SLC7A14: variants seen among roughly 807,000 people sequenced by gnomAD.
The protein encoded by SLC7A14 is gamma-aminobutyric acid transporter SLC7A14.
A neutral mutation model predicts 60.2 loss-of-function variants in SLC7A14; 37 were observed. The ratio of observed to expected loss-of-function variants is 0.61; its 90% CI spans 0.47 to 0.81. SLC7A14 has a LOEUF of 0.81. Among genes scored for constraint, SLC7A14 ranks in the 30% least tolerant of loss-of-function variants. The probability of loss-of-function intolerance (pLI) is 0.00; values close to 1 mark genes in which losing one functional copy is unlikely to be tolerated. For missense variants in SLC7A14, 886 were observed against 982.7 expected, an observed-to-expected ratio of 0.90 and a Z score of 1.32; for synonymous variants, 399 against 395.8, an observed-to-expected ratio of 1.01 and a Z score of -0.10.
chr3:170,580,511 G>A (rs1014050848), intron 1 of SLC7A14, among the ~76,000 whole-genome samples: 3 of 152,190 alleles, frequency 2.0e-5, no homozygotes, highest in Non-Finnish European at 2.9e-5. Context: ...TAACAGCTTC[G>A]CTTATTTTTC....
intron 1 of SLC7A14, among the ~76,000 whole-genome samples, chr3:170,575,197 G>T (rs1715056526): frequency 6.6e-6 from 1 of 152,218 alleles, no homozygotes; most frequent in Non-Finnish European, 1.5e-5. Flanking sequence ...TATCTCTTAT[G>T]TGCTCTGTGT....
chr3:170,561,266 A>G (rs1436276595), intron 1 of SLC7A14, among the ~76,000 whole-genome samples: 1 of 152,204 alleles, frequency 6.6e-6, no homozygotes, highest in East Asian at 1.9e-4. Flanking sequence ...GAGCCTAGCA[A>G]GCTTCTTGCA....
chr3:170,487,344 A>T (rs563337153), intron 4 of SLC7A14, among the ~76,000 whole-genome samples: 1 of 151,744 alleles, frequency 6.6e-6, no homozygotes, highest in South Asian at 2.1e-4. Flanking sequence ...AGCTCTAAGT[A>T]AAAAAGTGCC....
intron 2 of SLC7A14, among the ~76,000 whole-genome samples, chr3:170,521,084 G>A (rs1473903625): frequency 1.3e-5 from 2 of 152,214 alleles, no homozygotes; most frequent in African/African-American, 2.4e-5. Context: ...GTGGCCTACT[G>A]AGCTATTGAA....
chr3:170,528,342 GC>G (rs1207567619), intron 1 of SLC7A14, among the ~76,000 whole-genome samples: 3 of 152,176 alleles, frequency 2.0e-5, no homozygotes, highest in African/African-American at 7.2e-5. Flanking sequence ...TTCTTTGGAA[GC>G]CGGAAGCTGG....
At chr3:170,515,047 T>C (rs564925279) in intron 2 of SLC7A14, among the ~76,000 whole-genome samples, 1 of 152,254 alleles carries the variant, frequency 6.6e-6, no homozygotes, top group African/African-American at 2.4e-5. Context: ...GCACGGTGGC[T>C]CATGCCTGTA....
Position 170,585,697 on chromosome 3 carries a change from G to A in SLC7A14, c.-153+214C>T, listed in dbSNP as rs1333683412. ...CGGGGCCTCATTCCGGGCCAGAGCA[G>A]GAAAGAGCCCGACCCACCTCCTCGG... On this transcript the variant is annotated intron_variant, in intron 1 of 7. Coordinates refer to ENST00000231706, the MANE Select transcript of SLC7A14 (RefSeq NM_020949.3). The surrounding 1 kb of genome is among the most constrained non-coding windows in gnomAD (Gnocchi z 5.1). Among the ~76,000 whole-genome samples, 2 of 152,124 alleles carry A rather than the reference G, an allele frequency of 1.3e-5. No homozygotes were observed. The highest frequency in any genetic ancestry group is 6.5e-5 in the Admixed American group (1 of 15,288).
chr3:170,462,376 C>G lies in SLC7A14; in HGVS notation c.*4679G>C, dbSNP rs145635795. 1 of 152,228 alleles carries G rather than the reference C, an allele frequency of 6.6e-6. No individual in the cohort carries two copies. Among genetic ancestry groups the G allele is most frequent in the African/African-American group, 2.4e-5 (1 of 41,534 alleles). 9.4% of individuals were successfully genotyped at this position (152,228 alleles called of 1,614,324 possible). The stretch of plus-strand genomic sequence containing the variant: ...AAGAAAGGATGTCAGGTTTACCAAC[C>G]CTTTTCAGCAGAATAGAGGAGAGAG... On this transcript the variant is annotated 3_prime_UTR_variant, in exon 8 of 8. Transcript: ENST00000231706.
intron 2 of SLC7A14, among the ~76,000 whole-genome samples, chr3:170,511,395 C>G (rs991272040): frequency 2.0e-5 from 3 of 150,608 alleles, no homozygotes; most frequent in Non-Finnish European, 4.4e-5. Flanking sequence ...GAAACTCCGT[C>G]TTAAAAAAAA....
At chr3:170,492,496 C>T (rs1239736327) in intron 4 of SLC7A14, among the ~76,000 whole-genome samples, 1 of 151,994 alleles carries the variant, frequency 6.6e-6, no homozygotes, top group African/African-American at 2.4e-5. Context: ...CAGAGTGAGA[C>T]TCTGCCTCAA....
rs954538809 is a variant in SLC7A14, at chr3:170,461,234, C to G, written c.*5821G>C. On this transcript the variant is annotated 3_prime_UTR_variant, in exon 8 of 8. Coordinates refer to ENST00000231706, the MANE Select transcript of SLC7A14 (RefSeq NM_020949.3). ...CGGCCCAGTTTAATGATTTTGTACA[C>G]TGTTTTAGTTGATACTGCAGAACAC... is the stretch of plus-strand genomic sequence containing the variant. 4 of 152,172 alleles carry G rather than the reference C, an allele frequency of 2.6e-5. No homozygotes were observed. The highest frequency in any genetic ancestry group is 9.7e-5 in the African/African-American group (4 of 41,430). The allele number at this position is 152,172 out of a possible 1,614,324, so 9.4% of individuals were successfully genotyped here. A position where few individuals can be genotyped will look rare whatever the true frequency, so the allele number is the denominator to read the frequency against.
intron 1 of SLC7A14, chr3:170,570,164 C>T (rs922280825): frequency 3.9e-5 from 6 of 152,024 alleles, no homozygotes; most frequent in African/African-American, 1.5e-4. Context: ...CCTTAAAAGT[C>T]CAAATAGTAG....
At chr3:170,583,087 T>C (rs373134131) in intron 1 of SLC7A14, among the ~76,000 whole-genome samples, 9 of 152,246 alleles carry the variant, frequency 5.9e-5, no homozygotes, top group African/African-American at 2.2e-4. Context: ...TCCTTAGGTC[T>C]TATTAGGGCC....
At chr3:170,560,632 C>T (rs1392203988) in intron 1 of SLC7A14, among the ~76,000 whole-genome samples, 1 of 152,166 alleles carries the variant, frequency 6.6e-6, no homozygotes, top group African/African-American at 2.4e-5. Flanking sequence ...CATTGCCTCT[C>T]TATAGATCCC....
At chr3:170,517,920 G>C (rs558446213) in intron 2 of SLC7A14, among the ~76,000 whole-genome samples, 36 of 152,312 alleles carry the variant, frequency 2.4e-4, no homozygotes, top group African/African-American at 8.2e-4. Context: ...TTGCCTTTTA[G>C]ACCCAATCAA....
chr3:170,465,571 G>C lies in SLC7A14; in HGVS notation c.*1484C>G, dbSNP rs1472682954. On this transcript the variant is annotated 3_prime_UTR_variant, in exon 8 of 8. Transcript: ENST00000231706. ...AGCGAATATGTTCTGGAAAACGTTT[G>C]GCATACTGATACATCCAGGAGAGAA... 1 of 152,196 alleles carries C rather than the reference G, an allele frequency of 6.6e-6. No individual in the cohort carries two copies. The allele number at this position is 152,196 out of a possible 1,614,324, so 9.4% of individuals were successfully genotyped here.
chr3:170,480,229 G>GGATAA, intron 7 of SLC7A14, 60 bp downstream of exon 7: 1 of 1,484,690 alleles, frequency 6.7e-7, no homozygotes. Context: ...GGTAATTTTG[G>GGATAA]GATAAGCATG....
intron 1 of SLC7A14, among the ~76,000 whole-genome samples, chr3:170,538,742 G>A (rs1713924384): frequency 6.6e-6 from 1 of 152,198 alleles, no homozygotes; most frequent in Non-Finnish European, 1.5e-5. Flanking sequence ...TGCCCTCCAG[G>A]AGCTCTCAGG....
intron 2 of SLC7A14, among the ~76,000 whole-genome samples, chr3:170,504,317 T>A (rs897782314): frequency 2.0e-5 from 3 of 152,174 alleles, no homozygotes; most frequent in African/African-American, 7.2e-5. Context: ...ATTTTATTTT[T>A]TTAATTTTTT....
Sources: allele counts gnomAD v4.1 joint callset (sites outside exome capture counted in the v4.1 genomes callset), GRCh38; gene constraint gnomAD v4.1.1; non-coding constraint Gnocchi (gnomAD v3.1); transcripts MANE v1.5; gene names NCBI Gene and HGNC (gene_info 2026-07-23, HGNC 2026-07-21).